SUGCT: variants seen among roughly 807,000 people sequenced by gnomAD.
SUGCT encodes succinyl-CoA:glutarate-CoA transferase.
In SUGCT, 41 loss-of-function variants were observed where a neutral mutation model predicts 55.0. That is an observed-to-expected ratio of 0.74 (90% CI 0.58 to 0.97). SUGCT has a LOEUF of 0.97. Among genes scored for constraint, SUGCT ranks in the 50% least tolerant of loss-of-function variants. The pLI, the probability that SUGCT is intolerant of heterozygous loss-of-function variation, is 0.00. For missense variants in SUGCT, 568 were observed against 547.8 expected (o/e 1.04, Z -0.37); for synonymous variants, 187 against 200.4 (o/e 0.93, Z 0.56).
At chr7:40,797,809 C>A (rs1331908607) in intron 13 of SUGCT, among the ~76,000 whole-genome samples, 1 of 152,228 alleles carries the variant, frequency 6.6e-6, no homozygotes, top group African/African-American at 2.4e-5. Context: ...GTATTAGGTA[C>A]ATACTCTGTA....
intron 9 of SUGCT, among the ~76,000 whole-genome samples, chr7:40,414,021 A>G (rs187643263): frequency 4.6e-5 from 7 of 152,172 alleles, no homozygotes; most frequent in Admixed American, 6.5e-5. Flanking sequence ...GGTGGACAAT[A>G]TATTATTTCT....
At chr7:40,912,496 A>G in the SUGCT span, among the ~76,000 whole-genome samples, 3 of 152,208 alleles carry the variant, frequency 2.0e-5, no homozygotes, top group South Asian at 6.2e-4. Context: ...AAAAAAGAGC[A>G]GCTTAATATC....
At chr7:40,330,443 A>T (rs1272160968) in intron 9 of SUGCT, among the ~76,000 whole-genome samples, 1 of 151,932 alleles carries the variant, frequency 6.6e-6, no homozygotes, top group Admixed American at 6.6e-5. Context: ...ATTAGGAAAG[A>T]AGGGTGAAGA....
chr7:40,324,311 A>C (rs1010345248), intron 9 of SUGCT, among the ~76,000 whole-genome samples: 76 of 146,892 alleles, frequency 5.2e-4, no homozygotes, highest in Non-Finnish European at 2.4e-4. Flanking sequence ...GTTGGAGTGC[A>C]GTGGCGCAAT....
At chr7:40,166,242 C>T (rs1367220331) in intron 1 of SUGCT, among the ~76,000 whole-genome samples, 1 of 152,186 alleles carries the variant, frequency 6.6e-6, no homozygotes, top group Non-Finnish European at 1.5e-5. Flanking sequence ...ACAGGTGCTT[C>T]AGATGAGGAA....
chr7:40,315,648 TA>T (rs2151107689), intron 8 of SUGCT, among the ~76,000 whole-genome samples: 1 of 152,288 alleles, frequency 6.6e-6, no homozygotes, highest in East Asian at 1.9e-4. Context: ...CTGTGCTAGG[TA>T]GGGGGCAAGA....
At chr7:40,910,637 C>T in the SUGCT span, among the ~76,000 whole-genome samples, 3 of 152,092 alleles carry the variant, frequency 2.0e-5, no homozygotes, top group Admixed American at 2.0e-4. Flanking sequence ...ATTTTGGTGA[C>T]TTTGGAAGAT....
rs542365638 is a variant in SUGCT at position 40,700,991 on chromosome 7, G to GGGAT, written c.1090-48442_1090-48439dup. Among the ~76,000 whole-genome samples the GGGAT allele has an allele frequency of 1.5e-3, 227 of 152,242 alleles. 2 individuals carry two copies. Among genetic ancestry groups the GGGAT allele is most frequent in the African/African-American group, 5.2e-3 (217 of 41,548 alleles). ...TACAAGCAAGGGTTGGAGTTGAGAG[G>GGGAT]GGATCTTCTTTCCTCTGCTCTTTGT... is the stretch of plus-strand genomic sequence containing the variant. On this transcript the variant is annotated intron_variant, in intron 12 of 13. Transcript: ENST00000335693.
chr7:40,375,851 G>A (rs1348641417), intron 9 of SUGCT, among the ~76,000 whole-genome samples: 2 of 152,192 alleles, frequency 1.3e-5, no homozygotes, highest in Non-Finnish European at 2.9e-5. Context: ...TGAATTCAGA[G>A]TCTAGTACCA....
chr7:40,755,150 CA>C (rs536742403), intron 13 of SUGCT, among the ~76,000 whole-genome samples: 2 of 151,736 alleles, frequency 1.3e-5, no homozygotes, highest in African/African-American at 4.8e-5. Flanking sequence ...AAATACAAAT[CA>C]AAAAAAATTC....
chr7:40,183,225 G>A (rs1205509918), intron 3 of SUGCT, among the ~76,000 whole-genome samples: 1 of 152,180 alleles, frequency 6.6e-6, no homozygotes, highest in Non-Finnish European at 1.5e-5. Flanking sequence ...GTGAGCCGAG[G>A]TCGTGCCACT....
chr7:40,408,437 AC>A (rs1339526759), intron 9 of SUGCT, among the ~76,000 whole-genome samples: 1 of 151,920 alleles, frequency 6.6e-6, no homozygotes, highest in African/African-American at 2.4e-5. Context: ...TTAGATGGTG[AC>A]CTCGTGGAAC....
chr7:40,431,469 T>G (rs1392068351), intron 9 of SUGCT, among the ~76,000 whole-genome samples: 1 of 152,188 alleles, frequency 6.6e-6, no homozygotes, highest in Non-Finnish European at 1.5e-5. Context: ...TCTATTTCTG[T>G]GAAGAATGCC....
chr7:40,684,689 C>T (rs1435940981), intron 12 of SUGCT, among the ~76,000 whole-genome samples: 4 of 152,204 alleles, frequency 2.6e-5, no homozygotes, highest in South Asian at 2.1e-4. Context: ...ATTTTCTACA[C>T]AACTCACAAC....
intron 13 of SUGCT, among the ~76,000 whole-genome samples, chr7:40,822,340 A>G (rs1235777164): frequency 6.6e-6 from 1 of 152,104 alleles, no homozygotes; most frequent in Non-Finnish European, 1.5e-5. Context: ...TGTCTCGTTG[A>G]TCTGTCTAAT....
intron 1 of SUGCT, among the ~76,000 whole-genome samples, chr7:40,175,178 A>G (rs965856946): frequency 6.6e-6 from 1 of 151,102 alleles, no homozygotes; most frequent in Admixed American, 6.6e-5. Flanking sequence ...GCTGTCATTT[A>G]TCTTCTAATT....
intron 12 of SUGCT, among the ~76,000 whole-genome samples, chr7:40,533,600 C>T (rs1273963831): frequency 6.6e-6 from 1 of 152,038 alleles, no homozygotes; most frequent in African/African-American, 2.4e-5. Flanking sequence ...ATCTTTAAGT[C>T]TACATTTAAC....
the SUGCT span, among the ~76,000 whole-genome samples, chr7:40,937,003 T>C: frequency 1.3e-5 from 2 of 152,346 alleles, no homozygotes; most frequent in South Asian, 2.1e-4. Flanking sequence ...TTAAGACTTC[T>C]TTTATGCCCT....
chr7:40,780,775 CTT>C (rs34455435), intron 13 of SUGCT, among the ~76,000 whole-genome samples: 6,474 of 134,744 alleles, frequency 0.048, 138 homozygotes, highest in Middle Eastern at 0.095. Context: ...TCTTCTTCTT[CTT>C]TTTTTTTTTT....
Sources: allele counts gnomAD v4.1 joint callset (sites outside exome capture counted in the v4.1 genomes callset), GRCh38; gene constraint gnomAD v4.1.1; transcripts MANE v1.5; gene names NCBI Gene and HGNC (gene_info 2026-07-23, HGNC 2026-07-21).